Variants in ATRNL1 observed in about 807,000 individuals in gnomAD.
ATRNL1 encodes attractin like 1, also known as attractin-like protein 1.
A neutral mutation model predicts 182.7 loss-of-function variants in ATRNL1; 95 were observed. The ratio of observed to expected loss-of-function variants is 0.52; its 90% CI spans 0.44 to 0.62. The LOEUF (loss-of-function observed/expected upper bound fraction) is 0.62. Among genes scored for constraint, ATRNL1 ranks in the 20% least tolerant of loss-of-function variants. The probability of loss-of-function intolerance (pLI) is 0.00; values close to 1 mark genes in which losing one functional copy is unlikely to be tolerated. For missense variants in ATRNL1, 1,471 were observed against 1,679.5 expected, an observed-to-expected ratio of 0.88 and a Z score of 2.17; for synonymous variants, 576 against 568.3, an observed-to-expected ratio of 1.01 and a Z score of -0.19.
intron 11 of ATRNL1, among the ~76,000 whole-genome samples, chr10:115,266,565 A>G (rs1355265829): frequency 6.6e-6 from 1 of 151,678 alleles, no homozygotes; most frequent in Non-Finnish European, 1.5e-5. Context: ...ATTAAGATTT[A>G]TAGAATATTT....
At chr10:115,705,978 T>C (rs10885778) in intron 26 of ATRNL1, among the ~76,000 whole-genome samples, 57,463 of 151,726 alleles carry the variant, frequency 0.38, 11,810 homozygotes, top group East Asian at 0.65. Context: ...CATTTTCTTA[T>C]ATCATCCCAG....
intron 26 of ATRNL1, among the ~76,000 whole-genome samples, chr10:115,703,707 A>G (rs1288041200): frequency 6.6e-6 from 1 of 151,770 alleles, no homozygotes; most frequent in Admixed American, 6.6e-5. Context: ...AATCTTTTGT[A>G]TATTTAAAAA....
intron 18 of ATRNL1, among the ~76,000 whole-genome samples, chr10:115,324,619 C>A (rs531980090): frequency 1.1e-4 from 17 of 152,266 alleles, no homozygotes; most frequent in African/African-American, 3.9e-4. Context: ...ACTTTAAGTT[C>A]CCACAAGTTA....
chr10:115,566,314 A>C lies in ATRNL1; in HGVS notation c.3795+16778A>C, dbSNP rs1854074969. ...GTTTTGTGTTATATCATTTAACATG[A>C]AACACGTATCTCCTGTAGATGTGGA... is the stretch of plus-strand genomic sequence containing the variant. On this transcript the variant is annotated intron_variant, in intron 26 of 28. Coordinates refer to ENST00000355044, the MANE Select transcript of ATRNL1 (RefSeq NM_207303.4). Among the ~76,000 whole-genome samples, 4 of 152,160 alleles carry C rather than the reference A, an allele frequency of 2.6e-5. 1 individual carries two copies. The highest frequency in any genetic ancestry group is 2.6e-4 in the Admixed American group (4 of 15,266).
Position 115,660,825 on chromosome 10 carries a change from G to A in ATRNL1, c.3796-66423G>A, listed in dbSNP as rs192951154. Among the ~76,000 whole-genome samples the A allele has an allele frequency of 1.6e-3, 249 of 152,126 alleles. 1 individual carries two copies. The highest frequency in any genetic ancestry group is 5.7e-3 in the African/African-American group (238 of 41,500). On this transcript the variant is annotated intron_variant, in intron 26 of 28. Coordinates refer to ENST00000355044, the MANE Select transcript of ATRNL1 (RefSeq NM_207303.4). ...AATATGGTGGTGGCTCAGGGGCATC[G>A]ATTGCATGCATGCATGCATTTACAT...
chr10:115,412,388 C>T (rs1554960111), intron 20 of ATRNL1, among the ~76,000 whole-genome samples: 1 of 152,294 alleles, frequency 6.6e-6, no homozygotes. Context: ...ACCCTAGGTG[C>T]AGCCAACGTC....
intron 9 of ATRNL1, among the ~76,000 whole-genome samples, chr10:115,236,850 T>C (rs1368722423): frequency 1.3e-5 from 2 of 152,200 alleles, no homozygotes; most frequent in African/African-American, 2.4e-5. Context: ...ACAATGATCA[T>C]TTCATACAGA....
chr10:115,532,610 C>A (rs1465627761), intron 25 of ATRNL1, among the ~76,000 whole-genome samples: 1 of 150,848 alleles, frequency 6.6e-6, no homozygotes, highest in East Asian at 2.0e-4. Context: ...AATTGAATAC[C>A]CTTTATTTCC....
At chr10:115,484,434 A>G (rs1848921257) in intron 24 of ATRNL1, among the ~76,000 whole-genome samples, 1 of 151,632 alleles carries the variant, frequency 6.6e-6, no homozygotes, top group South Asian at 2.1e-4. Flanking sequence ...AGAATATTTA[A>G]TTTATCTTAA....
chr10:115,476,349 G>A (rs1476474248), intron 24 of ATRNL1, among the ~76,000 whole-genome samples: 1 of 151,228 alleles, frequency 6.6e-6, no homozygotes, highest in Non-Finnish European at 1.5e-5. Flanking sequence ...GAAAATTCAT[G>A]TGCTTAAAAA....
At chr10:115,713,626 C>T (rs1222197541) in intron 26 of ATRNL1, among the ~76,000 whole-genome samples, 1 of 151,926 alleles carries the variant, frequency 6.6e-6, no homozygotes, top group East Asian at 1.9e-4. Flanking sequence ...TATACACACA[C>T]ACACACACAT....
chr10:115,183,440 CAG>C (rs1407880280), intron 8 of ATRNL1, among the ~76,000 whole-genome samples: 4 of 150,258 alleles, frequency 2.7e-5, no homozygotes, highest in African/African-American at 7.3e-5. Context: ...TTGAAAAAAA[CAG>C]AGAAGCCAGC....
chr10:115,573,001 GCTCT>G (rs1453178817), intron 26 of ATRNL1, among the ~76,000 whole-genome samples: 28 of 152,258 alleles, frequency 1.8e-4, no homozygotes, highest in African/African-American at 6.7e-4. Context: ...GTTTTGCAAA[GCTCT>G]TTCAGCTTTG....
intron 28 of ATRNL1, among the ~76,000 whole-genome samples, chr10:115,935,019 C>A (rs1953514534): frequency 6.6e-6 from 1 of 152,210 alleles, no homozygotes; most frequent in African/African-American, 2.4e-5. Flanking sequence ...ATTCAAATCT[C>A]AGTTCAGAGA....
intron 8 of ATRNL1, among the ~76,000 whole-genome samples, chr10:115,172,073 G>A (rs970033845): frequency 6.6e-6 from 1 of 152,014 alleles, no homozygotes; most frequent in Admixed American, 6.6e-5. Flanking sequence ...GTCTTAATGA[G>A]AAAACTCATT....
intron 26 of ATRNL1, among the ~76,000 whole-genome samples, chr10:115,597,181 A>G (rs182246869): frequency 2.6e-5 from 4 of 152,188 alleles, no homozygotes; most frequent in Non-Finnish European, 5.9e-5. Context: ...TATGTTTACT[A>G]AAATTTTTTC....
chr10:115,467,866 C>A (rs1345194567), intron 23 of ATRNL1, among the ~76,000 whole-genome samples: 1 of 150,490 alleles, frequency 6.6e-6, no homozygotes, highest in Non-Finnish European at 1.5e-5. Flanking sequence ...TTTAGTTTTA[C>A]TTTTATTCTA....
chr10:115,588,714 G>A (rs1350055645), intron 26 of ATRNL1, among the ~76,000 whole-genome samples: 2 of 152,112 alleles, frequency 1.3e-5, no homozygotes, highest in Admixed American at 1.3e-4. Context: ...GTTGGTGTGG[G>A]TATATTCTTA....
intron 9 of ATRNL1, among the ~76,000 whole-genome samples, chr10:115,228,523 A>AT (rs1354391457): frequency 2.6e-5 from 4 of 151,904 alleles, no homozygotes; most frequent in African/African-American, 9.7e-5. Flanking sequence ...TGTCTTCATT[A>AT]TTTTTCTATG....
Sources: allele counts gnomAD v4.1 joint callset (sites outside exome capture counted in the v4.1 genomes callset), GRCh38; gene constraint gnomAD v4.1.1; transcripts MANE v1.5; gene names NCBI Gene and HGNC (gene_info 2026-07-23, HGNC 2026-07-21).